CAMK1D: variants seen among roughly 807,000 people sequenced by gnomAD.
CAMK1D encodes calcium/calmodulin-dependent protein kinase type 1D.
A neutral mutation model predicts 47.7 loss-of-function variants in CAMK1D; 9 were observed. The ratio of observed to expected loss-of-function variants is 0.19; its 90% CI spans 0.11 to 0.33. The LOEUF is 0.33. Among genes scored for constraint, CAMK1D ranks in the 10% least tolerant of loss-of-function variants. The pLI, the probability that CAMK1D is intolerant of heterozygous loss-of-function variation, is 1.00. For synonymous variants in CAMK1D, 184 were observed against 184.9 expected (o/e 0.99, Z 0.04); for missense variants, 291 against 488.7 (o/e 0.60, Z 3.81).
intron 4 of CAMK1D, among the ~76,000 whole-genome samples, chr10:12,763,202 A>G (rs549296791): frequency 5.3e-5 from 8 of 152,178 alleles, no homozygotes; most frequent in Admixed American, 2.0e-4. Flanking sequence ...TTTCAGAGGC[A>G]CAAAGGAGTT....
intron 2 of CAMK1D, among the ~76,000 whole-genome samples, chr10:12,625,597 C>T (rs1839188761): frequency 6.6e-6 from 1 of 151,322 alleles, no homozygotes; most frequent in African/African-American, 2.4e-5. Flanking sequence ...TCCCAAAGTG[C>T]TGGAATTACA....
intron 3 of CAMK1D, among the ~76,000 whole-genome samples, chr10:12,749,924 A>G (rs1835871533): frequency 6.6e-6 from 1 of 152,162 alleles, no homozygotes; most frequent in African/African-American, 2.4e-5. Flanking sequence ...TGCCTACACC[A>G]TAGCCATGAG....
intron 1 of CAMK1D, among the ~76,000 whole-genome samples, chr10:12,389,443 C>A (rs140700147): frequency 2.7e-3 from 405 of 152,306 alleles, no homozygotes; most frequent in African/African-American, 9.1e-3. Flanking sequence ...GCAGGAGACT[C>A]AGCTTCTGCC....
At chr10:12,374,907 C>T (rs964372270) in intron 1 of CAMK1D, among the ~76,000 whole-genome samples, 3 of 140,916 alleles carry the variant, frequency 2.1e-5, no homozygotes, top group Admixed American at 1.5e-4. Flanking sequence ...CACGCCATTG[C>T]ACTCCAGCCT....
chr10:12,674,013 A>G (rs1295549957), intron 3 of CAMK1D, among the ~76,000 whole-genome samples: 5 of 152,128 alleles, frequency 3.3e-5, no homozygotes, highest in East Asian at 1.9e-4. Flanking sequence ...TGGCGTGATC[A>G]TATATCACTG....
chr10:12,603,861 T>A (rs1169766889), intron 2 of CAMK1D, among the ~76,000 whole-genome samples: 1 of 152,190 alleles, frequency 6.6e-6, no homozygotes, highest in African/African-American at 2.4e-5. Context: ...AACACACCTG[T>A]CACACTCTGG....
intron 1 of CAMK1D, among the ~76,000 whole-genome samples, chr10:12,397,765 TG>T (rs1294958968): frequency 6.6e-6 from 1 of 152,148 alleles, no homozygotes; most frequent in Non-Finnish European, 1.5e-5. Flanking sequence ...CCTAAAGATG[TG>T]TTTAGTTTGG....
intron 1 of CAMK1D, among the ~76,000 whole-genome samples, chr10:12,368,931 C>T (rs1209146891): frequency 2.0e-5 from 3 of 152,088 alleles, no homozygotes; most frequent in African/African-American, 7.2e-5. Context: ...GATTCTCCTG[C>T]CTCAGGCTCC....
chr10:12,750,242 G>T (rs1049231739), intron 3 of CAMK1D, among the ~76,000 whole-genome samples: 3 of 152,100 alleles, frequency 2.0e-5, no homozygotes, highest in Non-Finnish European at 4.4e-5. Context: ...GCACAGTTTG[G>T]GCTGTGACAT....
intron 2 of CAMK1D, among the ~76,000 whole-genome samples, chr10:12,577,883 T>C (rs1286278519): frequency 6.6e-6 from 1 of 152,222 alleles, no homozygotes; most frequent in Non-Finnish European, 1.5e-5. Flanking sequence ...CCCAGTTATC[T>C]ACGTAAAAAA....
chr10:12,525,537 T>G lies in CAMK1D; in HGVS notation c.93-27688T>G, dbSNP rs969638642. Among the ~76,000 whole-genome samples, 3 of 152,186 alleles carry G rather than the reference T, an allele frequency of 2.0e-5. No individual in the cohort carries two copies. In the East Asian group the frequency reaches 5.8e-4, roughly 29 times the overall value. On this transcript the variant is annotated intron_variant, in intron 1 of 10. Transcript: ENST00000619168. The stretch of plus-strand genomic sequence containing the variant: ...AGTGAATTTTTAAAAAAATTTCAAT[T>G]ATTCTGTGTTTCAAGTCTAAAATTC...
intron 2 of CAMK1D, among the ~76,000 whole-genome samples, chr10:12,606,710 A>G (rs551754540): frequency 1.1e-4 from 17 of 152,270 alleles, no homozygotes; most frequent in South Asian, 4.1e-4. Context: ...TGAAGTCTGT[A>G]TGTGCCCTTT....
intron 1 of CAMK1D, among the ~76,000 whole-genome samples, chr10:12,445,101 A>G (rs1832889882): frequency 6.6e-6 from 1 of 152,188 alleles, no homozygotes; most frequent in African/African-American, 2.4e-5. Flanking sequence ...TTGGTATCTT[A>G]TTGCTACAAA....
intron 1 of CAMK1D, among the ~76,000 whole-genome samples, chr10:12,535,657 C>T (rs1033054426): frequency 4.6e-5 from 7 of 152,176 alleles, no homozygotes; most frequent in African/African-American, 1.7e-4. Flanking sequence ...AATTCCCACT[C>T]CTGAAAGATT....
intron 1 of CAMK1D, among the ~76,000 whole-genome samples, chr10:12,352,309 A>G (rs1040524990): frequency 2.0e-5 from 3 of 152,186 alleles, no homozygotes; most frequent in Non-Finnish European, 2.9e-5. Context: ...TTTAATATTA[A>G]TGTAAAGAAA....
rs575105544 is a variant in CAMK1D at position 12,789,025 on chromosome 10, G to C, written c.566-2133G>C. 1.7e-4 allele frequency among the ~76,000 whole-genome samples: 26 copies of C among 152,332 alleles called. 1 individual carries two copies. Among genetic ancestry groups the C allele is most frequent in the African/African-American group, 6.3e-4 (26 of 41,578 alleles). Reference sequence around the variant, plus strand: ...GCCATAGGCAGAGGCGCTCAGCAGTGGTTTGTCTACCTTCCTGTTCTTGCT... The same window carrying C: ...GCCATAGGCAGAGGCGCTCAGCAGTCGTTTGTCTACCTTCCTGTTCTTGCT... On this transcript the variant is annotated intron_variant, in intron 5 of 10. Coordinates refer to ENST00000619168, the MANE Select transcript of CAMK1D (RefSeq NM_153498.4).
chr10:12,406,937 G>A (rs1349740496), intron 1 of CAMK1D, among the ~76,000 whole-genome samples: 1 of 151,978 alleles, frequency 6.6e-6, no homozygotes, highest in African/African-American at 2.4e-5. Context: ...CTAGGGTGAC[G>A]TCACTGCTTC....
chr10:12,634,779 C>T, intron 2 of CAMK1D, among the ~76,000 whole-genome samples: 1 of 152,090 alleles, frequency 6.6e-6, no homozygotes, highest in Non-Finnish European at 1.5e-5. Context: ...TTTCGCTTCT[C>T]TCTGCCGCTG....
chr10:12,565,594 G>T (rs887800675), intron 2 of CAMK1D, among the ~76,000 whole-genome samples: 3 of 152,176 alleles, frequency 2.0e-5, no homozygotes, highest in Admixed American at 1.3e-4. Flanking sequence ...AGAACAAAAT[G>T]TACTTTTGCT....
Sources: allele counts gnomAD v4.1 joint callset (sites outside exome capture counted in the v4.1 genomes callset), GRCh38; gene constraint gnomAD v4.1.1; transcripts MANE v1.5; gene names NCBI Gene and HGNC (gene_info 2026-07-23, HGNC 2026-07-21).